The following NRP1 variants were observed in gnomAD, a reference collection of about 807,000 sequenced individuals.
NRP1 encodes neuropilin-1.
In NRP1, 35 loss-of-function variants were observed where a neutral mutation model predicts 106.7. The ratio of observed to expected loss-of-function variants is 0.33; its 90% CI spans 0.25 to 0.43. The LOEUF (loss-of-function observed/expected upper bound fraction) is 0.43, where lower values mean the gene tolerates loss of function less well. Among genes scored for constraint, NRP1 ranks in the 20% least tolerant of loss-of-function variants. The pLI, the probability that NRP1 is intolerant of heterozygous loss-of-function variation, is 1.00. For synonymous variants in NRP1, 437 were observed against 417.9 expected, an observed-to-expected ratio of 1.05 and a Z score of -0.56; for missense variants, 1,024 against 1,170.4, an observed-to-expected ratio of 0.87 and a Z score of 1.83.
At chr10:33,302,025 G>C (rs891981355) in intron 2 of NRP1, among the ~76,000 whole-genome samples, 10 of 151,772 alleles carry the variant, frequency 6.6e-5, no homozygotes, top group Non-Finnish European at 1.5e-4. Flanking sequence ...AAGAGACAGA[G>C]AGAGAGAGAA....
At chr10:33,268,566 A>G (rs914868253) in intron 3 of NRP1, among the ~76,000 whole-genome samples, 1 of 152,192 alleles carries the variant, frequency 6.6e-6, no homozygotes, top group Non-Finnish European at 1.5e-5. Context: ...GTTCCTTTGG[A>G]AGGAACACAA....
intron 9 of NRP1, chr10:33,212,744 C>G (rs1838407336): frequency 6.4e-6 from 1 of 155,372 alleles, no homozygotes; most frequent in Non-Finnish European, 1.4e-5. Flanking sequence ...AATCTCAGCT[C>G]ACTGCAACCT....
intron 5 of NRP1, among the ~76,000 whole-genome samples, chr10:33,255,394 G>C (rs1842129895): frequency 6.6e-6 from 1 of 152,144 alleles, no homozygotes; most frequent in Non-Finnish European, 1.5e-5. Context: ...TCCTCTCCCT[G>C]TGCTACTTTA....
chr10:33,258,545 C>T (rs578049946), intron 4 of NRP1, among the ~76,000 whole-genome samples: 28 of 152,274 alleles, frequency 1.8e-4, no homozygotes, highest in African/African-American at 3.9e-4. Flanking sequence ...CACGCTGTCA[C>T]GGACAATAGC....
intron 6 of NRP1, among the ~76,000 whole-genome samples, chr10:33,235,590 T>C (rs779724702): frequency 6.6e-6 from 1 of 152,258 alleles, no homozygotes; most frequent in Non-Finnish European, 1.5e-5. Context: ...TCCTTTTCCA[T>C]ATTATCTAGA....
intron 2 of NRP1, among the ~76,000 whole-genome samples, chr10:33,318,609 T>A (rs1346140817): frequency 6.6e-6 from 1 of 152,008 alleles, no homozygotes; most frequent in East Asian, 1.9e-4. Context: ...AATGCAAAGC[T>A]GTTTCCTAAG....
intron 3 of NRP1, among the ~76,000 whole-genome samples, chr10:33,264,163 G>A (rs1193258691): frequency 1.3e-5 from 2 of 152,206 alleles, no homozygotes; most frequent in African/African-American, 4.8e-5. Flanking sequence ...CAATGAATGA[G>A]TAAGCTGCAG....
chr10:33,297,874 G>C (rs577104107), intron 2 of NRP1, among the ~76,000 whole-genome samples: 1 of 151,636 alleles, frequency 6.6e-6, no homozygotes, highest in African/African-American at 2.4e-5. Flanking sequence ...TGGGGGTATG[G>C]TCTCCTGCCC....
intron 11 of NRP1, among the ~76,000 whole-genome samples, chr10:33,199,714 C>G (rs1240052494): frequency 2.0e-5 from 3 of 152,088 alleles, no homozygotes; most frequent in African/African-American, 7.2e-5. Flanking sequence ...CAGTATTGAA[C>G]CAATTCAGGG....
intron 6 of NRP1, among the ~76,000 whole-genome samples, chr10:33,248,593 T>C (rs890486416): frequency 6.6e-6 from 1 of 152,130 alleles, no homozygotes; most frequent in African/African-American, 2.4e-5. Flanking sequence ...ATTTGAGAAA[T>C]ACATATAAGG....
intron 2 of NRP1, among the ~76,000 whole-genome samples, chr10:33,292,740 C>G (rs1233767510): frequency 1.3e-5 from 2 of 152,188 alleles, no homozygotes; most frequent in Non-Finnish European, 2.9e-5. Flanking sequence ...GTAATCCCAG[C>G]ACTTTGGGAG....
chr10:33,229,265 A>G (rs1212369149), intron 6 of NRP1, among the ~76,000 whole-genome samples: 1 of 152,226 alleles, frequency 6.6e-6, no homozygotes, highest in East Asian at 1.9e-4. Flanking sequence ...GGTGATTTTA[A>G]GTTGCTGCAG....
At chr10:33,236,518 G>T (rs117835537) in intron 6 of NRP1, among the ~76,000 whole-genome samples, 4 of 152,196 alleles carry the variant, frequency 2.6e-5, no homozygotes, top group Admixed American at 2.0e-4. Context: ...AGACCGAGAG[G>T]GTAGGAATTG....
chr10:33,206,239 C>T (rs762715965), intron 10 of NRP1: 3 of 518,934 alleles, frequency 5.8e-6, no homozygotes, highest in Non-Finnish European at 1.2e-5. Context: ...CCACATTTCT[C>T]CGTGAATTGA....
At chr10:33,210,742 C>T (rs1471323669) in intron 9 of NRP1, among the ~76,000 whole-genome samples, 1 of 152,140 alleles carries the variant, frequency 6.6e-6, no homozygotes, top group Non-Finnish European at 1.5e-5. Flanking sequence ...TTAAATCCAT[C>T]CAAGTGCTGT....
intron 6 of NRP1, among the ~76,000 whole-genome samples, chr10:33,249,128 A>C (rs1415945932): frequency 8.1e-6 from 1 of 123,434 alleles, no homozygotes; most frequent in East Asian, 2.3e-4. Context: ...CATTTTAATC[A>C]GAGAAAAGTC....
intron 2 of NRP1, among the ~76,000 whole-genome samples, chr10:33,315,386 G>T (rs184646134): frequency 4.1e-4 from 63 of 152,344 alleles, no homozygotes; most frequent in African/African-American, 1.4e-3. Context: ...CCAGAGAGCT[G>T]ACTTGGTCTT....
intron 2 of NRP1, among the ~76,000 whole-genome samples, chr10:33,316,505 G>A (rs572305149): frequency 1.5e-4 from 23 of 152,316 alleles, no homozygotes; most frequent in African/African-American, 4.3e-4. Context: ...CAACGCTCAC[G>A]TCAGATTCAG....
At chr10:33,277,403 C>G (rs1366594037) in intron 2 of NRP1, among the ~76,000 whole-genome samples, 2 of 152,216 alleles carry the variant, frequency 1.3e-5, no homozygotes, top group African/African-American at 4.8e-5. Flanking sequence ...GGGGGCTGCA[C>G]GGTAGCTCTA....
Sources: gnomAD v4.1 joint callset for allele counts (sites outside exome capture counted in the v4.1 genomes callset) on GRCh38, gnomAD v4.1.1 for gene constraint, MANE v1.5 for transcripts, NCBI Gene and HGNC (gene_info 2026-07-23, HGNC 2026-07-21) for gene names.